SLC25A16: variants seen among roughly 807,000 people sequenced by gnomAD.
SLC25A16 encodes solute carrier family 25 member 16, also known as mitochondrial coenzyme A transporter SLC25A16.
SLC25A16 carries 39 observed loss-of-function variants against 41.5 expected under a neutral mutation model. The observed-to-expected ratio is 0.94, with a 90% CI of 0.73 to 1.23. SLC25A16 has a LOEUF of 1.23. Ranked by LOEUF, SLC25A16 falls within the 50% of genes most tolerant of loss-of-function variation. The probability of loss-of-function intolerance (pLI) is 0.00; values close to 1 mark genes in which losing one functional copy is unlikely to be tolerated. For missense variants in SLC25A16, 421 were observed against 426.9 expected (o/e 0.99, Z 0.12); for synonymous variants, 146 against 147.8 (o/e 0.99, Z 0.09).
chr10:68,496,024 A>G (rs1258735903), intron 4 of SLC25A16, among the ~76,000 whole-genome samples: 1 of 152,114 alleles, frequency 6.6e-6, no homozygotes, highest in Admixed American at 6.6e-5. Flanking sequence ...AGTAAAGGTT[A>G]TATATGTGTT....
At chr10:68,522,478 G>A (rs139131909) in intron 1 of SLC25A16, among the ~76,000 whole-genome samples, 7 of 151,946 alleles carry the variant, frequency 4.6e-5, no homozygotes, top group Admixed American at 2.0e-4. Flanking sequence ...TCAGGAATTC[G>A]AGACCAGTCT....
intron 4 of SLC25A16, among the ~76,000 whole-genome samples, chr10:68,498,513 C>A (rs1590104805): frequency 6.6e-6 from 1 of 151,858 alleles, no homozygotes; most frequent in African/African-American, 2.4e-5. Context: ...AAAATAACTT[C>A]TCATTTTTCT....
intron 6 of SLC25A16, among the ~76,000 whole-genome samples, chr10:68,492,445 T>A (rs10998225): frequency 6.6e-6 from 1 of 152,050 alleles, no homozygotes; most frequent in Non-Finnish European, 1.5e-5. Context: ...AAATCCACAA[T>A]TACCTCAAAA....
At chr10:68,490,730 G>A (rs1004861997) in intron 6 of SLC25A16, among the ~76,000 whole-genome samples, 5 of 151,712 alleles carry the variant, frequency 3.3e-5, no homozygotes, top group Non-Finnish European at 7.4e-5. Context: ...AATACTTCCA[G>A]ACAGATTAGT....
rs1397089769 is a variant in SLC25A16, at chr10:68,497,619, TAA to T, written c.422-4051_422-4050del. On this transcript the variant is annotated intron_variant, in intron 4 of 8. Transcript: ENST00000609923. Reference sequence around the variant, plus strand: ...ACTTCTAACATCTTTTTTTTTTTTTTAATTTTTTTTTTTCCAAGATGGAGTCT... The same window carrying T: ...ACTTCTAACATCTTTTTTTTTTTTTTTTTTTTTTTTTCCAAGATGGAGTCT... Among the ~76,000 whole-genome samples the T allele has an allele frequency of 5.0e-3, 757 of 150,322 alleles. 12 individuals carry two copies. The highest frequency in any genetic ancestry group is 0.018 in the African/African-American group (715 of 40,672).
At chr10:68,513,018 C>T (rs2053093974) in intron 2 of SLC25A16, among the ~76,000 whole-genome samples, 1 of 151,154 alleles carries the variant, frequency 6.6e-6, no homozygotes, top group Non-Finnish European at 1.5e-5. Context: ...CAGCCTAGGC[C>T]ACAAGAGAGA....
chr10:68,518,922 G>GTGAC (rs1464550081), intron 1 of SLC25A16, among the ~76,000 whole-genome samples: 1 of 152,082 alleles, frequency 6.6e-6, no homozygotes, highest in Non-Finnish European at 1.5e-5. Flanking sequence ...GCCAGGTATG[G>GTGAC]TGACTCATAC....
intron 7 of SLC25A16, among the ~76,000 whole-genome samples, 179 bp from the exon 8 acceptor site, chr10:68,487,391 G>C (rs1352846930): frequency 2.0e-5 from 3 of 152,146 alleles, no homozygotes; most frequent in African/African-American, 7.2e-5. Flanking sequence ...AGAAGTCTTT[G>C]CTTATGTGAT....
chr10:68,517,538 A>G (rs1293699404), intron 1 of SLC25A16: 2 of 152,212 alleles, frequency 1.3e-5, no homozygotes, highest in Non-Finnish European at 2.9e-5. Flanking sequence ...TTTTATAAAA[A>G]GGTGAATAAC....
intron 4 of SLC25A16, among the ~76,000 whole-genome samples, chr10:68,498,752 C>T (rs1387649358): frequency 1.3e-5 from 2 of 152,114 alleles, no homozygotes; most frequent in Non-Finnish European, 2.9e-5. Context: ...TCTTTGAGAT[C>T]CTCAAAGTAC....
intron 4 of SLC25A16, among the ~76,000 whole-genome samples, chr10:68,494,687 G>A (rs1353986273): frequency 2.1e-5 from 3 of 142,130 alleles, no homozygotes; most frequent in African/African-American, 7.4e-5. Context: ...GACCAGCCTG[G>A]CCAACATGGT....
rs1390245876 is a variant in SLC25A16 at position 68,506,718 on chromosome 10, C to A, written c.224G>T (p.Gly75Val). 6.4e-7 allele frequency: 1 copy of A among 1,557,034 alleles called. No homozygotes were observed. The highest frequency in any genetic ancestry group is 1.2e-5 in the South Asian group (1 of 82,386). ...AACAGCACGCAATGCAGAAAATACTCCTATTTTTAGAGGAAAAATGCTGTT... is the reference window on the plus strand; with the variant it reads ...AACAGCACGCAATGCAGAAAATACTACTATTTTTAGAGGAAAAATGCTGTT... ...QAHNHHYKHL[G>V]VFSALRAVPQ... The change falls in exon 3 of 9, where the codon GGA becomes GTA. Residue 75 changes from glycine (G) to valine (V), a missense_variant and splice_region_variant. Physicochemically the swap from Gly to Val is moderately radical, Grantham distance 109. Transcript: ENST00000609923.
chr10:68,515,903 G>A (rs916163667), intron 2 of SLC25A16, among the ~76,000 whole-genome samples: 4 of 152,120 alleles, frequency 2.6e-5, no homozygotes, highest in African/African-American at 9.7e-5. Flanking sequence ...TGTAATATTT[G>A]CTTCAATGAT....
intron 2 of SLC25A16, among the ~76,000 whole-genome samples, chr10:68,508,647 G>A (rs928070004): frequency 5.3e-5 from 8 of 151,964 alleles, no homozygotes; most frequent in Non-Finnish European, 1.0e-4. Flanking sequence ...GAACCCGGGA[G>A]GCGGAGGTTG....
chr10:68,484,644 C>T (rs1413532883), intron 8 of SLC25A16, among the ~76,000 whole-genome samples: 1 of 151,768 alleles, frequency 6.6e-6, no homozygotes. Flanking sequence ...GAGCCAAGGT[C>T]TTACAATGTT....
At position 68,516,732 on chromosome 10, in the gene SLC25A16, T is replaced by G. The variant is rs185541900; in HGVS notation, c.223+19A>C. The G allele has an allele frequency of 1.6e-4, 244 of 1,479,820 alleles. 2 individuals are homozygous for G. The African/African-American group carries it at 3.2e-3, about 19-fold the overall frequency. 91.7% of individuals were successfully genotyped at this position (1,479,820 alleles called of 1,614,324 possible). A position where few individuals can be genotyped will look rare whatever the true frequency, so the allele number is the denominator to read the frequency against. ...ACAATATTTTCATTCATTTTTATCT[T>G]TAGCATCTATTAACTCACCTAAATG... is the stretch of plus-strand genomic sequence containing the variant. On this transcript the variant is annotated intron_variant, in intron 2 of 8. Coordinates refer to ENST00000609923, the MANE Select transcript of SLC25A16 (RefSeq NM_152707.4).
At chr10:68,483,696 C>G in intron 8 of SLC25A16, 108 bp from the exon 9 acceptor site, 1 of 867,516 alleles carries the variant, frequency 1.2e-6, no homozygotes, top group Non-Finnish European at 1.7e-6. Context: ...TGCTCTGTCA[C>G]CCAGATGGGA....
chr10:68,490,802 A>G (rs1020136162), intron 6 of SLC25A16, among the ~76,000 whole-genome samples: 1 of 152,204 alleles, frequency 6.6e-6, no homozygotes, highest in African/African-American at 2.4e-5. Context: ...TTTTGACACA[A>G]TAAAGACTAT....
intron 6 of SLC25A16, among the ~76,000 whole-genome samples, chr10:68,488,961 CAACTT>C (rs2052610432): frequency 6.6e-6 from 1 of 152,068 alleles, no homozygotes; most frequent in South Asian, 2.1e-4. Context: ...GGAAATGTGA[CAACTT>C]AACATTTAAA....
Sources: allele counts gnomAD v4.1 joint callset (sites outside exome capture counted in the v4.1 genomes callset), GRCh38; gene constraint gnomAD v4.1.1; transcripts MANE v1.5; gene names NCBI Gene and HGNC (gene_info 2026-07-23, HGNC 2026-07-21).